Variants in DAB1 observed in about 807,000 individuals in gnomAD.
DAB1 encodes disabled homolog 1.
A neutral mutation model predicts 64.6 loss-of-function variants in DAB1; 15 were observed. The ratio of observed to expected loss-of-function variants is 0.23; its 90% confidence interval spans 0.16 to 0.36. The LOEUF (loss-of-function observed/expected upper bound fraction) is 0.36, where lower values mean the gene tolerates loss of function less well. DAB1 is among the 10% of genes least tolerant of loss of function. The pLI, the probability that DAB1 is intolerant of heterozygous loss-of-function variation, is 1.00. For missense variants in DAB1, 596 were observed against 706.7 expected (o/e 0.84, Z 1.78); for synonymous variants, 235 against 251.9 (o/e 0.93, Z 0.64).
chr1:57,076,072 T>C lies in DAB1; in HGVS notation c.307-3658A>G, dbSNP rs565710365. Among the ~76,000 whole-genome samples the C allele has an allele frequency of 5.3e-5, 8 of 152,212 alleles. No individual in the cohort carries two copies. In the South Asian group the frequency reaches 1.7e-3, roughly 32 times the overall value. On this transcript the variant is annotated intron_variant, in intron 4 of 14. Coordinates refer to ENST00000371236, the MANE Select transcript of DAB1 (RefSeq NM_001365792.1). ...AGGTCAAGACAGCATGGCCCTGAAG[T>C]TTACTCTCAGGAATTGGCTGTCTCT...
rs112631596 is a variant in DAB1 at position 57,766,835 on chromosome 1, C to T, written n.551+117164G>A. 5.8e-3 allele frequency among the ~76,000 whole-genome samples: 687 copies of T among 118,190 alleles called. 6 individuals carry two copies. Among genetic ancestry groups the T allele is most frequent in the African/African-American group, 0.019 (655 of 34,938 alleles). 77.5% of individuals were successfully genotyped at this position (118,190 alleles called of 152,430 possible). On this transcript the variant is annotated intron_variant and non_coding_transcript_variant, in intron 6 of 20. Coordinates refer to the DAB1 transcript ENST00000485760. Reference sequence around the variant, plus strand: ...CACGCTCTTCTGTCTAACTTGGATACAAATCAAGAGTTCCCACGACCCCCT... The same window carrying T: ...CACGCTCTTCTGTCTAACTTGGATATAAATCAAGAGTTCCCACGACCCCCT...
At chr1:57,129,772 G>C (rs551787676) in intron 4 of DAB1, among the ~76,000 whole-genome samples, 159 of 152,154 alleles carry the variant, frequency 1.0e-3, no homozygotes, top group Middle Eastern at 3.4e-3. Flanking sequence ...AGATAATTCT[G>C]AATCGTGGAT....
At chr1:57,715,770 A>G (rs1464950434) in intron 6 of DAB1, among the ~76,000 whole-genome samples, 3 of 150,324 alleles carry the variant, frequency 2.0e-5, no homozygotes, top group Non-Finnish European at 4.5e-5. Flanking sequence ...TAAAATCATG[A>G]AAAAAAATTG....
At chr1:57,187,444 G>C (rs538376741) in intron 2 of DAB1, among the ~76,000 whole-genome samples, 1 of 152,166 alleles carries the variant, frequency 6.6e-6, no homozygotes, top group Non-Finnish European at 1.5e-5. Context: ...AGCAATTTGC[G>C]TATGATTCTG....
chr1:57,701,685 A>C (rs1646909973), intron 6 of DAB1, among the ~76,000 whole-genome samples: 1 of 151,972 alleles, frequency 6.6e-6, no homozygotes, highest in Non-Finnish European at 1.5e-5. Flanking sequence ...CTAAAACTTA[A>C]AGTATAATAA....
At chr1:57,612,427 A>C (rs1645739412) in intron 7 of DAB1, among the ~76,000 whole-genome samples, 1 of 152,144 alleles carries the variant, frequency 6.6e-6, no homozygotes, top group Non-Finnish European at 1.5e-5. Context: ...GGGTGGGCCC[A>C]ATATAATTAC....
chr1:57,161,594 T>A (rs1660754029), intron 2 of DAB1, among the ~76,000 whole-genome samples: 1 of 152,214 alleles, frequency 6.6e-6, no homozygotes, highest in Non-Finnish European at 1.5e-5. Context: ...GAATATGACC[T>A]TTTTTCCAAA....
chr1:58,018,780 C>A (rs1646778022), intron 5 of DAB1, among the ~76,000 whole-genome samples: 1 of 152,150 alleles, frequency 6.6e-6, no homozygotes, highest in Admixed American at 6.5e-5. Context: ...CCTTCCAAGT[C>A]TTCCCTGAAA....
intron 6 of DAB1, among the ~76,000 whole-genome samples, chr1:57,653,624 T>C (rs1197742376): frequency 6.6e-6 from 1 of 152,176 alleles, no homozygotes; most frequent in Admixed American, 6.5e-5. Flanking sequence ...ATTATTATTT[T>C]TTTTTTGAGA....
At chr1:58,060,816 A>G (rs1470893380) in intron 5 of DAB1, among the ~76,000 whole-genome samples, 1 of 152,224 alleles carries the variant, frequency 6.6e-6, no homozygotes, top group Non-Finnish European at 1.5e-5. Context: ...TTCCATGATT[A>G]CCTTTGCTCA....
At chr1:57,153,306 A>T (rs578077712) in intron 2 of DAB1, among the ~76,000 whole-genome samples, 67 of 152,282 alleles carry the variant, frequency 4.4e-4, no homozygotes, top group Non-Finnish European at 7.9e-4. Flanking sequence ...GATTATAGGC[A>T]TGAGCCACCG....
chr1:57,760,746 C>T (rs2101817310), intron 6 of DAB1, among the ~76,000 whole-genome samples: 1 of 152,150 alleles, frequency 6.6e-6, no homozygotes, highest in South Asian at 2.1e-4. Context: ...CAGGTCTGCT[C>T]AAAATATCTC....
chr1:58,041,539 T>C (rs1393615203), intron 5 of DAB1, among the ~76,000 whole-genome samples: 1 of 152,210 alleles, frequency 6.6e-6, no homozygotes, highest in Non-Finnish European at 1.5e-5. Context: ...GTGTTACAGT[T>C]GCAGAACCTA....
At chr1:57,716,155 G>A (rs898578630) in intron 6 of DAB1, among the ~76,000 whole-genome samples, 7 of 152,174 alleles carry the variant, frequency 4.6e-5, no homozygotes, top group Non-Finnish European at 1.0e-4. Context: ...TGATCCACCC[G>A]CCTTGGCCTT....
chr1:58,227,142 G>C (rs78580769), intron 4 of DAB1, among the ~76,000 whole-genome samples: 2,709 of 152,324 alleles, frequency 0.018, 75 homozygotes, highest in African/African-American at 0.062. Context: ...GGAAAGGTTT[G>C]TTCTTCCTTC....
intron 4 of DAB1, among the ~76,000 whole-genome samples, chr1:58,311,212 T>C (rs1662422209): frequency 6.6e-6 from 1 of 152,194 alleles, no homozygotes. Flanking sequence ...TTCCAACCAC[T>C]GACCCCCTCA....
chr1:58,074,564 GTATATATATATATA>G lies in DAB1; in HGVS notation n.387+75933_387+75946del, dbSNP rs375821412. Reference sequence around the variant, plus strand: ...TATATACACACATATATATATGTGTGTATATATATATATATATATATATATATATATTTGAGAAA... The same window carrying G: ...TATATACACACATATATATATGTGTGTATATATATATATATATTTGAGAAA... On this transcript the variant is annotated intron_variant and non_coding_transcript_variant, in intron 5 of 20. Transcript: ENST00000485760. The G allele has an allele frequency of 7.6e-5, 7 of 91,640 alleles. No homozygotes were observed. In the South Asian group the frequency reaches 1.1e-3, roughly 14 times the overall value. The allele number at this position is 91,640 out of a possible 1,614,324, so 5.7% of individuals were successfully genotyped here.
chr1:58,416,376 A>G (rs1415571282), intron 3 of DAB1, among the ~76,000 whole-genome samples: 1 of 152,172 alleles, frequency 6.6e-6, no homozygotes, highest in African/African-American at 2.4e-5. Context: ...AATGCTAATG[A>G]TGATGGTGAT....
At chr1:57,330,698 C>A (rs1676587722) in intron 1 of DAB1, among the ~76,000 whole-genome samples, 1 of 152,080 alleles carries the variant, frequency 6.6e-6, no homozygotes, top group South Asian at 2.1e-4. Context: ...CTCATTGTGT[C>A]CCCGGTGCCC....
Sources: gnomAD v4.1 joint callset for allele counts (sites outside exome capture counted in the v4.1 genomes callset) on GRCh38, gnomAD v4.1.1 for gene constraint, MANE v1.5 for transcripts, NCBI Gene and HGNC (gene_info 2026-07-23, HGNC 2026-07-21) for gene names.